ZNF676: variants seen among roughly 807,000 people sequenced by gnomAD.
The protein encoded by ZNF676 is zinc finger protein 676.
ZNF676 carries 4 observed loss-of-function variants against 6.0 expected under a neutral mutation model. That is an observed-to-expected ratio of 0.67 (90% CI 0.33 to 1.53). The LOEUF (loss-of-function observed/expected upper bound fraction) is 1.53. Among genes scored for constraint, ZNF676 ranks in the 40% most tolerant of loss-of-function variants. ZNF676 has a pLI of 0.06. For missense variants in ZNF676, 644 were observed against 679.7 expected, an observed-to-expected ratio of 0.95 and a Z score of 0.58; for synonymous variants, 198 against 223.1, an observed-to-expected ratio of 0.89 and a Z score of 1.00.
chr19:22,225,257 T>G, the ZNF676 span, among the ~76,000 whole-genome samples: 1 of 151,898 alleles, frequency 6.6e-6, no homozygotes, highest in South Asian at 2.1e-4. Context: ...ACATAGTATT[T>G]TCAAAGTTTA....
chr19:22,190,630 CATAT>C (rs74174059), intron 2 of ZNF676, among the ~76,000 whole-genome samples: 2,253 of 66,744 alleles, frequency 0.034, 76 homozygotes, highest in African/African-American at 0.078. Flanking sequence ...TAGAATGCAA[CATAT>C]ATATATATAT....
upstream of ZNF676, among the ~76,000 whole-genome samples, chr19:22,217,760 G>A (rs1173438388): frequency 6.6e-6 from 1 of 151,846 alleles, no homozygotes; most frequent in African/African-American, 2.4e-5. Flanking sequence ...CTGGACTGCA[G>A]TGGTGCGATC....
chr19:22,206,056 A>AACACACACACAC (rs71180523), intron 1 of ZNF676, among the ~76,000 whole-genome samples: 1 of 146,572 alleles, frequency 6.8e-6, no homozygotes, highest in African/African-American at 2.5e-5. Flanking sequence ...CCCAAAACTC[A>AACACACACACAC]ACACACACAC....
chr19:22,249,490 G>A, the ZNF676 span, among the ~76,000 whole-genome samples: 55 of 152,156 alleles, frequency 3.6e-4, no homozygotes, highest in African/African-American at 1.3e-3. Flanking sequence ...TCAGCTCACC[G>A]CAACCTCTGC....
the ZNF676 span, among the ~76,000 whole-genome samples, chr19:22,228,868 A>G: frequency 6.6e-6 from 1 of 152,214 alleles, no homozygotes; most frequent in Non-Finnish European, 1.5e-5. Context: ...ACACAAACAA[A>G]TGGAAGAACA....
chr19:22,253,001 A>G, the ZNF676 span, among the ~76,000 whole-genome samples: 2 of 152,176 alleles, frequency 1.3e-5, no homozygotes, highest in Non-Finnish European at 2.9e-5. Context: ...TATGTTGGGT[A>G]TAGGTGTATA....
the ZNF676 span, among the ~76,000 whole-genome samples, chr19:22,255,678 T>C: frequency 6.6e-6 from 1 of 152,026 alleles, no homozygotes; most frequent in Non-Finnish European, 1.5e-5. Context: ...ACCCTGTCTC[T>C]ACTAAAAATA....
rs767344565 is a variant in ZNF676 at position 22,180,710 on chromosome 19, G to T, written c.1007C>A (p.Pro336His). 1.9e-6 allele frequency: 3 copies of T among 1,611,812 alleles called. No homozygotes were observed. The highest frequency in any genetic ancestry group is 2.7e-5 in the African/African-American group (2 of 74,518). ...EHKRIHAGEK[P>H]YKCEECGKAF... is the part of the protein sequence containing the mutation. ...TTTCCCGCATTCTTCACATTTGTAG[G>T]GTTTCTCTCCAGCATGAATTCTCTT... Residue 336 changes from proline (P) to histidine (H), a missense_variant, in exon 3 of 3, where the codon CCC becomes CAC. This residue lies in a region of ZNF676 where 29 missense variants were observed against 44.4 expected (regional missense o/e 0.65). Coordinates refer to ENST00000397121, the MANE Select transcript of ZNF676 (RefSeq NM_001001411.3).
chr19:22,252,022 T>G, the ZNF676 span, among the ~76,000 whole-genome samples: 1 of 152,216 alleles, frequency 6.6e-6, no homozygotes, highest in Non-Finnish European at 1.5e-5. Context: ...CAATGTTTTC[T>G]TAAGTAGAAC....
chr19:22,257,905 A>G, the ZNF676 span, among the ~76,000 whole-genome samples: 1 of 152,166 alleles, frequency 6.6e-6, no homozygotes, highest in Non-Finnish European at 1.5e-5. Context: ...GGGCTCACCC[A>G]TATGTAATGA....
At chr19:22,217,232 C>T (rs961723408), upstream of ZNF676, among the ~76,000 whole-genome samples, 10 of 151,980 alleles carry the variant, frequency 6.6e-5, no homozygotes, top group South Asian at 2.1e-4. Flanking sequence ...GACAGAGTTT[C>T]GCTCTTATTG....
chr19:22,180,161 A>G lies in ZNF676; in HGVS notation c.1556T>C (p.Ile519Thr). The G allele has an allele frequency of 6.2e-7, 1 of 1,608,978 alleles. No homozygotes were observed. The highest frequency in any genetic ancestry group is 8.5e-7 in the Non-Finnish European group (1 of 1,178,636). ...ATGAATTATCTTATGTTCAGTAAGG[A>G]TCGAGGACCAGCTGAAGGCTTTGCC... is the stretch of plus-strand genomic sequence containing the variant. ...ECGKAFSWSS[I>T]LTEHKIIHTG... Residue 519 changes from isoleucine to threonine, a missense_variant, in exon 3 of 3, where the codon ATC (isoleucine) becomes ACC (threonine). Around this residue, in one of 5 missense-constraint regions of ZNF676, gnomAD observed 306 missense variants for 265.4 expected, o/e 1.15. Coordinates refer to ENST00000397121, the MANE Select transcript of ZNF676 (RefSeq NM_001001411.3).
Position 22,189,611 on chromosome 19 carries a change from AATCTATCC to A in ZNF676, c.130+3397_130+3404del, listed in dbSNP as rs1260267481. ...CTACAGAATGGGAGAAAAATTTTGC[AATCTATCC>A]ATCTGACAAAGGGCTAATATCCAGG... On this transcript the variant is annotated intron_variant, in intron 2 of 2. Transcript: ENST00000397121. Among the ~76,000 whole-genome samples the A allele has an allele frequency of 6.6e-5, 10 of 152,272 alleles. No individual in the cohort carries two copies. In the East Asian group the frequency reaches 1.9e-3, roughly 29 times the overall value.
Position 22,182,498 on chromosome 19 carries a change from A to C in ZNF676, c.131-912T>G, listed in dbSNP as rs2023769582. 2.0e-5 allele frequency among the ~76,000 whole-genome samples: 3 copies of C among 151,596 alleles called. No homozygotes were observed. In the South Asian group the frequency reaches 6.2e-4, roughly 32 times the overall value. On this transcript the variant is annotated intron_variant, in intron 2 of 2. Transcript: ENST00000397121. ...CACAAAAGACTATAGAAAATGAGAA[A>C]AATGAGGATAAGAACAAAAATAACC...
chr19:22,181,709 G>C, intron 2 of ZNF676, 123 bp from the exon 3 acceptor site: 1 of 676,222 alleles, frequency 1.5e-6, no homozygotes, highest in Non-Finnish European at 2.3e-6. Flanking sequence ...TATGACACAG[G>C]CCCTAATTCT....
At chr19:22,222,230 G>A in the ZNF676 span, among the ~76,000 whole-genome samples, 3 of 151,984 alleles carry the variant, frequency 2.0e-5, no homozygotes, top group Admixed American at 6.6e-5. Flanking sequence ...TCAGACTCCC[G>A]AGTAGCTGGG....
chr19:22,211,852 T>C (rs1306798564), intron 1 of ZNF676, among the ~76,000 whole-genome samples: 1 of 152,152 alleles, frequency 6.6e-6, no homozygotes, highest in African/African-American at 2.4e-5. Context: ...CTTATTTTTT[T>C]CCCAAACATT....
the ZNF676 span, among the ~76,000 whole-genome samples, chr19:22,249,486 C>A: frequency 2.0e-5 from 3 of 152,110 alleles, no homozygotes; most frequent in South Asian, 6.2e-4. Context: ...AATCTCAGCT[C>A]ACCGCAACCT....
the ZNF676 span, among the ~76,000 whole-genome samples, chr19:22,250,675 T>G: frequency 6.6e-6 from 1 of 152,098 alleles, no homozygotes; most frequent in Non-Finnish European, 1.5e-5. Context: ...ACAGTCCCTG[T>G]GCAGGGTTCC....
Sources: gnomAD v4.1 joint callset for allele counts (sites outside exome capture counted in the v4.1 genomes callset) on GRCh38, gnomAD v4.1.1 for gene constraint, gnomAD v4.1.1 regional missense constraint, MANE v1.5 for transcripts, NCBI Gene and HGNC (gene_info 2026-07-23, HGNC 2026-07-21) for gene names.